Variants in ARHGAP10 observed in about 807,000 individuals in gnomAD.
The protein encoded by ARHGAP10 is Rho GTPase activating protein 10.
Under a neutral mutation model 108.6 loss-of-function variants are expected in ARHGAP10, and 87 were observed. The ratio of observed to expected loss-of-function variants is 0.80; its 90% CI spans 0.67 to 0.96. The LOEUF is 0.96. Ranked by LOEUF, ARHGAP10 falls within the 40% of genes least tolerant of loss-of-function variation. The pLI, the probability that ARHGAP10 is intolerant of heterozygous loss-of-function variation, is 0.00. For synonymous variants in ARHGAP10, 347 were observed against 341.1 expected (o/e 1.02, Z -0.19); for missense variants, 939 against 954.5 (o/e 0.98, Z 0.21).
chr4:147,778,287 C>T (rs1386973534), intron 1 of ARHGAP10, among the ~76,000 whole-genome samples: 6 of 152,096 alleles, frequency 3.9e-5, no homozygotes, highest in African/African-American at 1.2e-4. Flanking sequence ...TTTTGCCCCT[C>T]ATATCACGTG....
intron 1 of ARHGAP10, among the ~76,000 whole-genome samples, chr4:147,753,648 CT>C (rs1167590112): frequency 1.3e-5 from 2 of 152,140 alleles, no homozygotes; most frequent in Non-Finnish European, 2.9e-5. Context: ...GCCACTGCCC[CT>C]GGCCTGAAGT....
intron 18 of ARHGAP10, among the ~76,000 whole-genome samples, chr4:147,993,281 C>T (rs1740348338): frequency 6.6e-6 from 1 of 152,132 alleles, no homozygotes; most frequent in East Asian, 1.9e-4. Context: ...ATTTGCTTCA[C>T]AATAATTTTA....
chr4:148,046,802 T>A (rs1373835856), intron 19 of ARHGAP10, 90 bp from the exon 20 acceptor site: 2 of 1,277,706 alleles, frequency 1.6e-6, no homozygotes, highest in Non-Finnish European at 2.2e-6. Flanking sequence ...TATCATTTGA[T>A]TGACTAATCA....
chr4:147,896,843 C>A (rs543474115), intron 10 of ARHGAP10, among the ~76,000 whole-genome samples: 18 of 152,060 alleles, frequency 1.2e-4, no homozygotes, highest in African/African-American at 3.9e-4. Context: ...GGCTATAGAT[C>A]GAAAACGTGA....
intron 20 of ARHGAP10, among the ~76,000 whole-genome samples, chr4:148,061,927 A>G (rs190681323): frequency 1.1e-3 from 165 of 152,252 alleles, no homozygotes; most frequent in African/African-American, 3.9e-3. Context: ...GGGAAGGTGT[A>G]TGGGTTAGAG....
At chr4:148,000,745 G>A (rs1475726054) in intron 18 of ARHGAP10, among the ~76,000 whole-genome samples, 3 of 152,176 alleles carry the variant, frequency 2.0e-5, no homozygotes, top group South Asian at 2.1e-4. Context: ...GTGTCTGTTC[G>A]TATCCTTCGC....
chr4:147,844,122 G>C (rs1032891101), intron 3 of ARHGAP10, among the ~76,000 whole-genome samples: 5 of 152,134 alleles, frequency 3.3e-5, no homozygotes, highest in Admixed American at 3.3e-4. Flanking sequence ...TGTGCTCCCA[G>C]CTGCTTTCCC....
chr4:147,867,234 C>T (rs1734602704), intron 7 of ARHGAP10, among the ~76,000 whole-genome samples: 1 of 152,130 alleles, frequency 6.6e-6, no homozygotes, highest in African/African-American at 2.4e-5. Flanking sequence ...TTTACTAATG[C>T]ATTGGTGTTT....
In ARHGAP10 at chr4:148,026,264, G is replaced by A. The variant is rs538838417; in HGVS notation, c.1867+2851G>A. On this transcript the variant is annotated intron_variant, in intron 19 of 22. Coordinates refer to ENST00000336498, the MANE Select transcript of ARHGAP10 (RefSeq NM_024605.4). ...CGGAATTGGTTTCAGTTCAGCATCA[G>A]GCAGATCAAAAAAGCATCAGCGAAG... is the stretch of plus-strand genomic sequence containing the variant. Among the ~76,000 whole-genome samples, 4 of 152,302 alleles carry A rather than the reference G, an allele frequency of 2.6e-5. No homozygotes were observed. In the East Asian group the frequency reaches 7.7e-4, roughly 29 times the overall value.
intron 13 of ARHGAP10, chr4:147,916,754 G>A (rs969240332): frequency 1.3e-5 from 2 of 152,262 alleles, no homozygotes; most frequent in African/African-American, 4.8e-5. Context: ...ACATGGTATA[G>A]CTGCGGGGGC....
chr4:147,764,962 A>G (rs2126710142), intron 1 of ARHGAP10, among the ~76,000 whole-genome samples: 1 of 152,312 alleles, frequency 6.6e-6, no homozygotes, highest in East Asian at 1.9e-4. Flanking sequence ...TTGAGAAATA[A>G]AAGTAGGAGC....
intron 3 of ARHGAP10, among the ~76,000 whole-genome samples, chr4:147,830,512 CTTTTTTTTTTTT>C (rs56946602): frequency 9.8e-6 from 1 of 102,326 alleles, no homozygotes; most frequent in Non-Finnish European, 1.9e-5. Flanking sequence ...ACCACAATTC[CTTTTTTTTTTTT>C]TTTTTTTTTT....
chr4:147,954,852 A>AT (rs565682431), intron 15 of ARHGAP10, among the ~76,000 whole-genome samples: 1 of 152,008 alleles, frequency 6.6e-6, no homozygotes, highest in African/African-American at 2.4e-5. Context: ...ATAAATTCTT[A>AT]TTTTTATAAT....
At chr4:147,843,184 G>A (rs1176171909) in intron 3 of ARHGAP10, among the ~76,000 whole-genome samples, 1 of 152,128 alleles carries the variant, frequency 6.6e-6, no homozygotes, top group Non-Finnish European at 1.5e-5. Flanking sequence ...CTCCATGCAT[G>A]CTCAGCATCC....
chr4:148,001,615 G>A (rs1740721773), intron 18 of ARHGAP10, among the ~76,000 whole-genome samples: 1 of 145,276 alleles, frequency 6.9e-6, no homozygotes, highest in South Asian at 2.3e-4. Context: ...AGTTCTCCTT[G>A]AAGAGGTCCT....
At chr4:148,033,182 A>G (rs1728229635) in intron 19 of ARHGAP10, among the ~76,000 whole-genome samples, 1 of 152,194 alleles carries the variant, frequency 6.6e-6, no homozygotes, top group South Asian at 2.1e-4. Context: ...GTCAGTACAA[A>G]GAGAGCTTTC....
At chr4:147,790,016 T>A (rs986476073) in intron 1 of ARHGAP10, among the ~76,000 whole-genome samples, 127 of 147,046 alleles carry the variant, frequency 8.6e-4, no homozygotes, top group Middle Eastern at 3.4e-3. Flanking sequence ...TTTTTTTTTT[T>A]AAATCCTAGT....
chr4:147,763,746 CT>C (rs35774782), intron 1 of ARHGAP10, among the ~76,000 whole-genome samples: 2,714 of 93,128 alleles, frequency 0.029, 57 homozygotes, highest in Admixed American at 0.053. Context: ...ATGGTGATTC[CT>C]TTTTTTTTTT....
At chr4:147,882,695 C>T (rs1735379410) in intron 10 of ARHGAP10, among the ~76,000 whole-genome samples, 1 of 151,952 alleles carries the variant, frequency 6.6e-6, no homozygotes, top group East Asian at 1.9e-4. Context: ...AAGGTGAATT[C>T]TTTTTTTTCC....
Sources: gnomAD v4.1 joint callset for allele counts (sites outside exome capture counted in the v4.1 genomes callset) on GRCh38, gnomAD v4.1.1 for gene constraint, MANE v1.5 for transcripts, NCBI Gene and HGNC (gene_info 2026-07-23, HGNC 2026-07-21) for gene names.